The following COL25A1 variants were observed in gnomAD, a reference collection of about 807,000 sequenced individuals.
The protein encoded by COL25A1 is collagen alpha-1(XXV) chain.
In COL25A1, 103 loss-of-function variants were observed where a neutral mutation model predicts 128.4. That is an observed-to-expected ratio of 0.80 (90% CI 0.68 to 0.94). COL25A1 has a LOEUF of 0.94. COL25A1 is among the 40% of genes least tolerant of loss of function. The pLI is 0.00. For missense variants in COL25A1, 745 were observed against 840.0 expected (o/e 0.89, Z 1.40); for synonymous variants, 279 against 277.2 (o/e 1.01, Z -0.06).
chr4:109,107,540 T>C (rs1171452663), intron 3 of COL25A1, among the ~76,000 whole-genome samples: 1 of 152,144 alleles, frequency 6.6e-6, no homozygotes, highest in African/African-American at 2.4e-5. Context: ...TTTTTCATCA[T>C]TGACAAGTGA....
At chr4:109,204,077 G>A (rs1288720986) in intron 3 of COL25A1, among the ~76,000 whole-genome samples, 2 of 152,074 alleles carry the variant, frequency 1.3e-5, no homozygotes, top group Admixed American at 6.5e-5. Context: ...CTTATTATTA[G>A]AAATAGGAAG....
chr4:108,867,881 C>CAT (rs199506933), intron 20 of COL25A1, among the ~76,000 whole-genome samples: 3 of 151,940 alleles, frequency 2.0e-5, no homozygotes, highest in African/African-American at 2.4e-5. Context: ...TTCATAGCAG[C>CAT]ATATATATAT....
At chr4:108,862,417 G>T in intron 22 of COL25A1, 84 bp downstream of exon 22, 1 of 1,023,922 alleles carries the variant, frequency 9.8e-7, no homozygotes, top group Non-Finnish European at 1.5e-6. Context: ...TCTAAAACAT[G>T]AAAAACATGC....
At chr4:109,077,985 G>A (rs1331800001) in intron 3 of COL25A1, among the ~76,000 whole-genome samples, 1 of 152,148 alleles carries the variant, frequency 6.6e-6, no homozygotes, top group Non-Finnish European at 1.5e-5. Flanking sequence ...GGATAGAAGT[G>A]GTCTGTTCGT....
At chr4:109,110,259 C>T (rs1303615043) in intron 3 of COL25A1, among the ~76,000 whole-genome samples, 1 of 152,148 alleles carries the variant, frequency 6.6e-6, no homozygotes, top group Non-Finnish European at 1.5e-5. Flanking sequence ...CTGTACCCAG[C>T]GTTGATCTTC....
At chr4:109,140,007 A>C (rs1389735934) in intron 3 of COL25A1, among the ~76,000 whole-genome samples, 2 of 152,090 alleles carry the variant, frequency 1.3e-5, no homozygotes, top group Admixed American at 6.5e-5. Context: ...TGAACTCATC[A>C]TTTTTTATGG....
At position 108,831,688 on chromosome 4, in the gene COL25A1, GA is replaced by G. The variant is rs1560714357; in HGVS notation, c.1710+691del. 8.0e-3 allele frequency among the ~76,000 whole-genome samples: 36 copies of G among 4,522 alleles called. No homozygotes were observed. The East Asian group carries it at 0.12, about 15-fold the overall frequency. The allele number at this position is 4,522 out of a possible 152,430, so 3.0% of individuals were successfully genotyped here. ...AGAAAAACAGAAAGAGAGAGAGGGG[GA>G]GAGAGAGAGAGAGAGAGAGAGAGAG... On this transcript the variant is annotated intron_variant, in intron 32 of 37. Coordinates refer to ENST00000399132, the MANE Select transcript of COL25A1 (RefSeq NM_198721.4).
intron 3 of COL25A1, among the ~76,000 whole-genome samples, chr4:109,079,900 G>A (rs924471607): frequency 1.3e-5 from 2 of 151,882 alleles, no homozygotes; most frequent in Non-Finnish European, 2.9e-5. Flanking sequence ...CCATTGATAC[G>A]TAATTTAAAC....
chr4:108,924,411 C>A (rs768867335), intron 11 of COL25A1, among the ~76,000 whole-genome samples: 2 of 152,090 alleles, frequency 1.3e-5, no homozygotes, highest in Non-Finnish European at 2.9e-5. Flanking sequence ...GATTTATGTA[C>A]AATATTCAGC....
intron 3 of COL25A1, among the ~76,000 whole-genome samples, chr4:109,294,796 T>C (rs1349059812): frequency 6.6e-6 from 1 of 152,156 alleles, no homozygotes; most frequent in Non-Finnish European, 1.5e-5. Context: ...AGATTGATGT[T>C]ATTTGGATAA....
intron 3 of COL25A1, among the ~76,000 whole-genome samples, chr4:109,055,253 T>C (rs1195450512): frequency 6.6e-6 from 1 of 152,168 alleles, no homozygotes; most frequent in Non-Finnish European, 1.5e-5. Flanking sequence ...ATGTCTGTAC[T>C]ACAACAGACC....
chr4:108,949,281 A>G (rs557253453), intron 8 of COL25A1, among the ~76,000 whole-genome samples: 33 of 152,310 alleles, frequency 2.2e-4, no homozygotes, highest in African/African-American at 7.7e-4. Context: ...ATAATAAATA[A>G]TGACAATGGT....
chr4:109,143,693 A>G (rs562261857), intron 3 of COL25A1, among the ~76,000 whole-genome samples: 4 of 152,256 alleles, frequency 2.6e-5, no homozygotes, highest in Non-Finnish European at 5.9e-5. Context: ...CACTTGATCA[A>G]TTCAGCTATT....
chr4:109,185,268 A>C (rs1775028911), intron 3 of COL25A1, among the ~76,000 whole-genome samples: 1 of 152,178 alleles, frequency 6.6e-6, no homozygotes, highest in African/African-American at 2.4e-5. Context: ...GGATACACCT[A>C]ATCTCTGGGA....
At chr4:108,871,465 G>A (rs1475206762) in intron 19 of COL25A1, among the ~76,000 whole-genome samples, 3 of 152,038 alleles carry the variant, frequency 2.0e-5, no homozygotes, top group Non-Finnish European at 4.4e-5. Flanking sequence ...ACAGGCGCCC[G>A]CCACTACGCC....
At chr4:109,065,571 T>C (rs920154850) in intron 3 of COL25A1, among the ~76,000 whole-genome samples, 7 of 151,654 alleles carry the variant, frequency 4.6e-5, no homozygotes, top group Non-Finnish European at 2.9e-5. Flanking sequence ...TGTGTGTGTG[T>C]GTGTGTGTGT....
At chr4:108,935,983 G>T (rs1747356959) in intron 11 of COL25A1, among the ~76,000 whole-genome samples, 1 of 152,094 alleles carries the variant, frequency 6.6e-6, no homozygotes, top group African/African-American at 2.4e-5. Flanking sequence ...ACAAACAAAG[G>T]CTCCTGAGAA....
At chr4:108,970,416 AG>A in intron 8 of COL25A1, among the ~76,000 whole-genome samples, 1 of 152,316 alleles carries the variant, frequency 6.6e-6, no homozygotes, top group East Asian at 1.9e-4. Context: ...ATTATTTTTT[AG>A]GGTCCTTTTT....
At chr4:108,983,702 G>A (rs968532716) in intron 6 of COL25A1, among the ~76,000 whole-genome samples, 27 of 152,054 alleles carry the variant, frequency 1.8e-4, no homozygotes, top group African/African-American at 6.3e-4. Context: ...GCTCAGGAGT[G>A]AAGCTGCGGA....
Sources: gnomAD v4.1 joint callset for allele counts (sites outside exome capture counted in the v4.1 genomes callset) on GRCh38, gnomAD v4.1.1 for gene constraint, MANE v1.5 for transcripts, NCBI Gene and HGNC (gene_info 2026-07-23, HGNC 2026-07-21) for gene names.